KIF26B: variants seen among roughly 807,000 people sequenced by gnomAD.
The protein encoded by KIF26B is kinesin-like protein KIF26B.
In KIF26B, 63 loss-of-function variants were observed where a neutral mutation model predicts 151.2. That is an observed-to-expected ratio of 0.42 (90% CI 0.34 to 0.51). The LOEUF is 0.51. Ranked by LOEUF, KIF26B falls within the 20% of genes least tolerant of loss-of-function variation. KIF26B has a pLI of 0.07. For synonymous variants in KIF26B, 1,357 were observed against 1,262.1 expected, an observed-to-expected ratio of 1.08 and a Z score of -1.59; for missense variants, 2,813 against 2,913.6, an observed-to-expected ratio of 0.97 and a Z score of 0.79.
At chr1:245,584,439 A>G (rs971799805) in intron 5 of KIF26B, among the ~76,000 whole-genome samples, 2 of 152,184 alleles carry the variant, frequency 1.3e-5, no homozygotes, top group African/African-American at 2.4e-5. Flanking sequence ...TTATCCAACT[A>G]TACATGCTTC....
At chr1:245,164,463 C>T (rs1012306936) in intron 2 of KIF26B, among the ~76,000 whole-genome samples, 2 of 152,176 alleles carry the variant, frequency 1.3e-5, no homozygotes, top group Non-Finnish European at 2.9e-5. Context: ...AGGAAAAATA[C>T]TAAAATTCCT....
intron 2 of KIF26B, among the ~76,000 whole-genome samples, chr1:245,236,022 T>G (rs1324566449): frequency 6.6e-6 from 1 of 151,624 alleles, no homozygotes; most frequent in Non-Finnish European, 1.5e-5. Context: ...CTCCACCTCC[T>G]GGGGTCAAGT....
intron 3 of KIF26B, among the ~76,000 whole-genome samples, chr1:245,399,722 TATGTTCAGCA>T (rs1207662113): frequency 6.6e-6 from 1 of 152,170 alleles, no homozygotes; most frequent in East Asian, 1.9e-4. Flanking sequence ...TGGTAAAGGG[TATGTTCAGCA>T]ATTCTGGTCC....
At chr1:245,328,567 C>T (rs412622) in intron 2 of KIF26B, among the ~76,000 whole-genome samples, 1 of 152,126 alleles carries the variant, frequency 6.6e-6, no homozygotes, top group African/African-American at 2.4e-5. Flanking sequence ...TGCGGAATTC[C>T]TAGAGTGGCC....
At chr1:245,605,781 T>C (rs2043445902) in intron 6 of KIF26B, among the ~76,000 whole-genome samples, 1 of 152,074 alleles carries the variant, frequency 6.6e-6, no homozygotes, top group South Asian at 2.1e-4. Flanking sequence ...GACCACGCTC[T>C]TCTCAGTGGA....
At chr1:245,211,691 C>T (rs780199825) in intron 2 of KIF26B, among the ~76,000 whole-genome samples, 5 of 152,212 alleles carry the variant, frequency 3.3e-5, no homozygotes, top group Non-Finnish European at 5.9e-5. Context: ...AGCCACTGTG[C>T]CTGGCCTCAT....
At chr1:245,508,762 C>T (rs2103082910) in intron 4 of KIF26B, among the ~76,000 whole-genome samples, 1 of 152,274 alleles carries the variant, frequency 6.6e-6, no homozygotes, top group African/African-American at 2.4e-5. Flanking sequence ...AGTGTGACAC[C>T]TTTCTGAGTC....
intron 5 of KIF26B, among the ~76,000 whole-genome samples, chr1:245,592,490 A>C (rs897098441): frequency 2.0e-5 from 3 of 152,232 alleles, no homozygotes; most frequent in Non-Finnish European, 4.4e-5. Flanking sequence ...TTATGGGGCA[A>C]CCAAATGGAA....
intron 5 of KIF26B, among the ~76,000 whole-genome samples, chr1:245,544,083 C>T (rs994455307): frequency 5.9e-5 from 9 of 152,174 alleles, no homozygotes; most frequent in African/African-American, 1.9e-4. Flanking sequence ...CTGACCTCAG[C>T]GAAGGCCCAT....
At chr1:245,450,078 A>G (rs1020648168) in intron 4 of KIF26B, among the ~76,000 whole-genome samples, 9 of 152,030 alleles carry the variant, frequency 5.9e-5, no homozygotes, top group Non-Finnish European at 1.0e-4. Context: ...TCTGAACTAC[A>G]ATTGGTGTGT....
rs1222479561 is a variant in KIF26B at position 245,606,770 on chromosome 1, AGAG to A, written c.1558-877_1558-875del. ...AAGGAAGAAAAGGCAGGTTTTGAAA[AGAG>A]GAGCATGGGACGGGCGCAGTGGCTC... On this transcript the variant is annotated intron_variant, in intron 6 of 14. Coordinates refer to ENST00000407071, the MANE Select transcript of KIF26B (RefSeq NM_018012.4). The surrounding 1 kb of genome is among the most constrained non-coding windows in gnomAD (Gnocchi z 4.6). Among the ~76,000 whole-genome samples, 2 of 152,328 alleles carry A rather than the reference AGAG, an allele frequency of 1.3e-5. No individual in the cohort carries two copies. The highest frequency in any genetic ancestry group is 4.8e-5 in the African/African-American group (2 of 41,578).
intron 5 of KIF26B, among the ~76,000 whole-genome samples, chr1:245,565,463 T>G (rs2043000769): frequency 6.6e-6 from 1 of 152,042 alleles, no homozygotes; most frequent in African/African-American, 2.4e-5. Flanking sequence ...TAATTTTTCC[T>G]ATTTTTAGTA....
At chr1:245,700,385 A>G (rs1430319532) in intron 14 of KIF26B, among the ~76,000 whole-genome samples, 7 of 152,120 alleles carry the variant, frequency 4.6e-5, no homozygotes, top group African/African-American at 1.7e-4. Flanking sequence ...ATTATCCCAA[A>G]GTTCAACAAC....
intron 9 of KIF26B, among the ~76,000 whole-genome samples, chr1:245,620,325 G>A (rs940847495): frequency 2.0e-5 from 3 of 151,896 alleles, no homozygotes; most frequent in African/African-American, 7.3e-5. Context: ...AACCAACTGG[G>A]TATAGACTTT....
At chr1:245,292,030 G>T (rs758287936) in intron 2 of KIF26B, among the ~76,000 whole-genome samples, 50 of 152,136 alleles carry the variant, frequency 3.3e-4, no homozygotes, top group Non-Finnish European at 5.9e-4. Context: ...CAGGGGAGGT[G>T]ACCCAATTTA....
rs1359745140 is a variant in KIF26B at position 245,704,985 on chromosome 1, A to G, written c.*2379A>G. 1 of 152,236 alleles carries G rather than the reference A, an allele frequency of 6.6e-6. No homozygotes were observed. The highest frequency in any genetic ancestry group is 2.4e-5 in the African/African-American group (1 of 41,458). The allele number at this position is 152,236 out of a possible 1,614,324, so 9.4% of individuals were successfully genotyped here. A position where few individuals can be genotyped will look rare whatever the true frequency, so the allele number is the denominator to read the frequency against. ...CACATCCTCCCCTGAGGTTCCTTCC[A>G]TGCTGCACTGCCTTCCTTTAGCCAG... On this transcript the variant is annotated 3_prime_UTR_variant, in exon 15 of 15. Transcript: ENST00000407071.
intron 4 of KIF26B, among the ~76,000 whole-genome samples, chr1:245,537,162 T>G (rs1179175566): frequency 2.0e-5 from 3 of 152,114 alleles, no homozygotes. Context: ...AGCGAAGATT[T>G]AAAGGAGATG....
chr1:245,587,293 C>A (rs1358102823), intron 5 of KIF26B, among the ~76,000 whole-genome samples: 1 of 152,184 alleles, frequency 6.6e-6, no homozygotes, highest in Non-Finnish European at 1.5e-5. Flanking sequence ...TTGTACTACT[C>A]TATTATGCTG....
At chr1:245,552,842 C>T (rs1558211487) in intron 5 of KIF26B, among the ~76,000 whole-genome samples, 1 of 152,138 alleles carries the variant, frequency 6.6e-6, no homozygotes, top group Non-Finnish European at 1.5e-5. Flanking sequence ...TCAAGTGATC[C>T]ACCTGCCTTG....
Sources: allele counts gnomAD v4.1 joint callset (sites outside exome capture counted in the v4.1 genomes callset), GRCh38; gene constraint gnomAD v4.1.1; non-coding constraint Gnocchi (gnomAD v3.1); transcripts MANE v1.5; gene names NCBI Gene and HGNC (gene_info 2026-07-23, HGNC 2026-07-21).